Variants in AAK1 observed in about 807,000 individuals in gnomAD.
AAK1 encodes AP2 associated kinase 1.
AAK1 carries 37 observed loss-of-function variants against 116.0 expected under a neutral mutation model. The ratio of observed to expected loss-of-function variants is 0.32; its 90% CI spans 0.25 to 0.42. The LOEUF (loss-of-function observed/expected upper bound fraction) is 0.42, where lower values mean the gene tolerates loss of function less well. Ranked by LOEUF, AAK1 falls within the 10% of genes least tolerant of loss-of-function variation. The probability of loss-of-function intolerance (pLI) is 1.00; values close to 1 mark genes in which losing one functional copy is unlikely to be tolerated. For missense variants in AAK1, 919 were observed against 1,170.6 expected (o/e 0.79, Z 3.14); for synonymous variants, 458 against 439.9 (o/e 1.04, Z -0.51).
chr2:69,554,030 T>C (rs1671292287), intron 3 of AAK1, among the ~76,000 whole-genome samples: 1 of 151,630 alleles, frequency 6.6e-6, no homozygotes, highest in African/African-American at 2.4e-5. Context: ...TGAGCTATGA[T>C]TGTGCCACTA....
In AAK1 at chr2:69,550,170, G is replaced by A. The variant is rs373231398; in HGVS notation, c.283-5626C>T. 9.8e-5 allele frequency among the ~76,000 whole-genome samples: 15 copies of A among 152,298 alleles called. No individual in the cohort carries two copies. In the East Asian group the frequency reaches 2.1e-3, roughly 22 times the overall value. ...AAAGTCCACAGATACTGGATCTACT[G>A]CACCGCACTGAGCTCTCTATCCAGA... On this transcript the variant is annotated intron_variant, in intron 3 of 21. Coordinates refer to ENST00000409085, the MANE Select transcript of AAK1 (RefSeq NM_014911.5).
chr2:69,595,358 C>T (rs989870170), intron 2 of AAK1, among the ~76,000 whole-genome samples: 2 of 152,192 alleles, frequency 1.3e-5, no homozygotes, highest in Admixed American at 6.5e-5. Context: ...TCAAGTGATC[C>T]GTCCACCTCG....
At chr2:69,550,597 T>C (rs79982198) in intron 3 of AAK1, among the ~76,000 whole-genome samples, 1 of 148,680 alleles carries the variant, frequency 6.7e-6, no homozygotes, top group Non-Finnish European at 1.5e-5. Context: ...GCCCGGCCTC[T>C]TTTTTTTTTC....
intron 2 of AAK1, among the ~76,000 whole-genome samples, chr2:69,617,151 C>G (rs1371635915): frequency 2.0e-5 from 3 of 152,184 alleles, no homozygotes; most frequent in Non-Finnish European, 2.9e-5. Flanking sequence ...TAATCTCAGT[C>G]AAGAACAACA....
At chr2:69,580,444 G>A (rs2105141457) in intron 2 of AAK1, among the ~76,000 whole-genome samples, 1 of 152,276 alleles carries the variant, frequency 6.6e-6, no homozygotes. Context: ...AGTGAAAAGT[G>A]GGAGCTGCAC....
At chr2:69,502,178 T>C (rs1676003345) in intron 16 of AAK1, among the ~76,000 whole-genome samples, 1 of 152,140 alleles carries the variant, frequency 6.6e-6, no homozygotes. Context: ...TATATATATA[T>C]ATTGTTGTAC....
At chr2:69,507,316 C>T in intron 15 of AAK1, 105 bp downstream of exon 15, 1 of 1,367,640 alleles carries the variant, frequency 7.3e-7, no homozygotes, top group Middle Eastern at 2.1e-4. Flanking sequence ...CCTACGTTTC[C>T]ACATGCATAC....
intron 2 of AAK1, among the ~76,000 whole-genome samples, chr2:69,587,297 A>C (rs1672811797): frequency 6.6e-6 from 1 of 150,792 alleles, no homozygotes; most frequent in Admixed American, 6.6e-5. Context: ...ATACACACGT[A>C]TATACGCATG....
At chr2:69,560,396 A>C (rs926861669) in intron 2 of AAK1, among the ~76,000 whole-genome samples, 4 of 152,246 alleles carry the variant, frequency 2.6e-5, no homozygotes, top group Non-Finnish European at 5.9e-5. Flanking sequence ...TTTCAGCCTG[A>C]GTTGCATCCC....
In AAK1 at chr2:69,461,162, A is replaced by T. The variant is rs1226694134; in HGVS notation, c.*14707T>A. On this transcript the variant is annotated 3_prime_UTR_variant, in exon 22 of 22. Transcript: ENST00000409085. ...TATGTCTAAAATGTTTGGATACAGA[A>T]ATACTTACCATTGTGTTACAACTGC... 1 of 152,260 alleles carries T rather than the reference A, an allele frequency of 6.6e-6. No individual in the cohort carries two copies. Among genetic ancestry groups the T allele is most frequent in the Non-Finnish European group, 1.5e-5 (1 of 68,094 alleles). The allele number at this position is 152,260 out of a possible 1,614,324, so 9.4% of individuals were successfully genotyped here.
chr2:69,460,248 T>C lies in AAK1; in HGVS notation c.*15621A>G, dbSNP rs1009815823. 1 of 152,676 alleles carries C rather than the reference T, an allele frequency of 6.5e-6. No individual in the cohort carries two copies. The highest frequency in any genetic ancestry group is 2.4e-5 in the African/African-American group (1 of 41,458). 9.5% of individuals were successfully genotyped at this position (152,676 alleles called of 1,614,324 possible). A position where few individuals can be genotyped will look rare whatever the true frequency, so the allele number is the denominator to read the frequency against. On this transcript the variant is annotated 3_prime_UTR_variant, in exon 22 of 22. Coordinates refer to ENST00000409085, the MANE Select transcript of AAK1 (RefSeq NM_014911.5). ...TTCTTTATTAAAGGGACCCAAGTGA[T>C]TTTTAAGCTGTATTCTTCCTGCTAG...
intron 17 of AAK1, among the ~76,000 whole-genome samples, chr2:69,484,507 G>T (rs980292685): frequency 2.0e-5 from 3 of 152,086 alleles, no homozygotes; most frequent in Admixed American, 6.6e-5. Context: ...AAAAAAGGAA[G>T]GACGGCTGGG....
At chr2:69,638,821 T>C (rs2105272620) in intron 2 of AAK1, among the ~76,000 whole-genome samples, 1 of 152,302 alleles carries the variant, frequency 6.6e-6, no homozygotes, top group Middle Eastern at 3.4e-3. Context: ...TCTTTTACCA[T>C]CTAAGGTATG....
chr2:69,474,374 G>A lies in AAK1; in HGVS notation c.*1495C>T, dbSNP rs1352505518. 5 of 985,560 alleles carry A rather than the reference G, an allele frequency of 5.1e-6. No individual in the cohort carries two copies. The highest frequency in any genetic ancestry group is 2.4e-6 in the Non-Finnish European group (2 of 829,918). The allele number at this position is 985,560 out of a possible 1,614,324, so 61.1% of individuals were successfully genotyped here. A position where few individuals can be genotyped will look rare whatever the true frequency, so the allele number is the denominator to read the frequency against. ...CTCTGTGCCCACTTCTTTTCAAAAGGGTGATTTTATAAAAGTGCTTTCCAC... is the reference window on the plus strand; with the variant it reads ...CTCTGTGCCCACTTCTTTTCAAAAGAGTGATTTTATAAAAGTGCTTTCCAC... On this transcript the variant is annotated 3_prime_UTR_variant, in exon 22 of 22. Coordinates refer to ENST00000409085, the MANE Select transcript of AAK1 (RefSeq NM_014911.5).
In AAK1 at chr2:69,469,550, G is replaced by C. The variant is rs1674605948; in HGVS notation, c.*6319C>G. The stretch of plus-strand genomic sequence containing the variant: ...TTATACTAACCTAACCACATGCCTT[G>C]ACCCAGTTCCTTTGGTAACCAATGG... On this transcript the variant is annotated 3_prime_UTR_variant, in exon 22 of 22. Coordinates refer to ENST00000409085, the MANE Select transcript of AAK1 (RefSeq NM_014911.5). 7.1e-6 allele frequency: 7 copies of C among 985,342 alleles called. No individual in the cohort carries two copies. The highest frequency in any genetic ancestry group is 7.2e-6 in the Non-Finnish European group (6 of 829,914). The allele number at this position is 985,342 out of a possible 1,614,324, so 61.0% of individuals were successfully genotyped here.
intron 17 of AAK1, among the ~76,000 whole-genome samples, chr2:69,493,158 C>G (rs1355375297): frequency 2.7e-5 from 1 of 37,566 alleles, no homozygotes; most frequent in Non-Finnish European, 6.5e-5. Flanking sequence ...GACTCCGTCT[C>G]AAAAAAAAAA....
At chr2:69,479,760 T>C (rs377364541) in intron 19 of AAK1, among the ~76,000 whole-genome samples, 3 of 152,236 alleles carry the variant, frequency 2.0e-5, no homozygotes, top group South Asian at 4.1e-4. Flanking sequence ...AACTCAGAGT[T>C]TAAGTTTCTT....
intron 15 of AAK1, among the ~76,000 whole-genome samples, chr2:69,506,796 A>G (rs1031985229): frequency 3.3e-5 from 5 of 152,004 alleles, no homozygotes; most frequent in Non-Finnish European, 5.9e-5. Context: ...TTTTTATTAG[A>G]GTACTCTCTA....
At chr2:69,533,715 G>A (rs370265370) in intron 5 of AAK1, among the ~76,000 whole-genome samples, 5 of 152,268 alleles carry the variant, frequency 3.3e-5, no homozygotes, top group African/African-American at 9.6e-5. Context: ...ATATACTGGT[G>A]TAGCTGGGGG....
Sources: gnomAD v4.1 joint callset for allele counts (sites outside exome capture counted in the v4.1 genomes callset) on GRCh38, gnomAD v4.1.1 for gene constraint, MANE v1.5 for transcripts, NCBI Gene and HGNC (gene_info 2026-07-23, HGNC 2026-07-21) for gene names.